CPA6: variants seen among roughly 807,000 people sequenced by gnomAD.
The protein encoded by CPA6 is carboxypeptidase B.
Under a neutral mutation model 63.3 loss-of-function variants are expected in CPA6, and 58 were observed. The observed-to-expected ratio is 0.92, with a 90% CI of 0.74 to 1.14. CPA6 has a LOEUF of 1.14. Among genes scored for constraint, CPA6 ranks in the 50% most tolerant of loss-of-function variants. The pLI, the probability that CPA6 is intolerant of heterozygous loss-of-function variation, is 0.00. For missense variants in CPA6, 565 were observed against 526.6 expected (o/e 1.07, Z -0.71); for synonymous variants, 185 against 179.0 (o/e 1.03, Z -0.27).
chr8:67,654,175 T>C (rs974175317), intron 1 of CPA6, among the ~76,000 whole-genome samples: 4 of 152,342 alleles, frequency 2.6e-5, no homozygotes, highest in African/African-American at 9.6e-5. Context: ...TGCATCAATG[T>C]TCATCAAGGA....
chr8:67,665,280 T>C (rs766543615), intron 1 of CPA6, among the ~76,000 whole-genome samples: 1 of 152,214 alleles, frequency 6.6e-6, no homozygotes, highest in African/African-American at 2.4e-5. Context: ...AGTAGGTACA[T>C]CTATATGCAA....
intron 1 of CPA6, among the ~76,000 whole-genome samples, chr8:67,673,705 T>C (rs1816406278): frequency 1.3e-5 from 2 of 152,032 alleles, no homozygotes; most frequent in South Asian, 4.1e-4. Context: ...TTTTATTATT[T>C]TTATCCACAG....
chr8:67,516,103 A>C (rs1009822437), intron 3 of CPA6, among the ~76,000 whole-genome samples: 1 of 152,118 alleles, frequency 6.6e-6, no homozygotes, highest in African/African-American at 2.4e-5. Context: ...ACAGAAACTC[A>C]GCTCTGTATC....
intron 1 of CPA6, among the ~76,000 whole-genome samples, chr8:67,694,421 T>G (rs991163244): frequency 6.6e-6 from 1 of 152,240 alleles, no homozygotes; most frequent in African/African-American, 2.4e-5. Flanking sequence ...TGCCACCAAG[T>G]TACCATGTGG....
In CPA6 at chr8:67,552,634, G is replaced by A. The variant is rs780875860; in HGVS notation, c.193-34587C>T. On this transcript the variant is annotated intron_variant, in intron 2 of 10. Coordinates refer to ENST00000297770, the MANE Select transcript of CPA6 (RefSeq NM_020361.5). Reference sequence around the variant, plus strand: ...TAAAAATACAAAAAATTAGCTGGACGTGGTGGCACGTGCCTGTAGTCCCAG... The same window carrying A: ...TAAAAATACAAAAAATTAGCTGGACATGGTGGCACGTGCCTGTAGTCCCAG... Among the ~76,000 whole-genome samples, 7 of 151,722 alleles carry A rather than the reference G, an allele frequency of 4.6e-5. No homozygotes were observed. In the East Asian group the frequency reaches 5.8e-4, roughly 13 times the overall value.
chr8:67,431,617 A>G (rs1047546372), intron 9 of CPA6, among the ~76,000 whole-genome samples: 6 of 152,160 alleles, frequency 3.9e-5, no homozygotes, highest in African/African-American at 1.4e-4. Flanking sequence ...AAAAAGTCTG[A>G]ACATTTGCCT....
chr8:67,561,845 T>C (rs934948762), intron 2 of CPA6, among the ~76,000 whole-genome samples: 1 of 152,218 alleles, frequency 6.6e-6, no homozygotes, highest in Non-Finnish European at 1.5e-5. Flanking sequence ...TTCTTTATAC[T>C]ACACTTCCAA....
chr8:67,660,328 T>G (rs1309732235), intron 1 of CPA6, among the ~76,000 whole-genome samples: 2 of 119,906 alleles, frequency 1.7e-5, no homozygotes, highest in Admixed American at 1.6e-4. Flanking sequence ...GCAGGTTTTT[T>G]TTTTTTTTTT....
At chr8:67,423,539 T>C (rs1809814740) in intron 10 of CPA6, among the ~76,000 whole-genome samples, 2 of 152,342 alleles carry the variant, frequency 1.3e-5, no homozygotes, top group Non-Finnish European at 2.9e-5. Context: ...TTTCACTGAA[T>C]TTTTCTCCAG....
intron 1 of CPA6, among the ~76,000 whole-genome samples, chr8:67,631,877 C>T (rs1300202962): frequency 6.6e-6 from 1 of 152,104 alleles, no homozygotes; most frequent in Non-Finnish European, 1.5e-5. Context: ...CCGCAAAGGT[C>T]TGCAGCTTCA....
intron 8 of CPA6, among the ~76,000 whole-genome samples, chr8:67,475,291 C>G (rs898490291): frequency 1.3e-5 from 2 of 152,128 alleles, no homozygotes; most frequent in Non-Finnish European, 2.9e-5. Flanking sequence ...ATAAAAGGCC[C>G]TAAAACCATC....
chr8:67,557,847 C>G (rs947822080), intron 2 of CPA6, among the ~76,000 whole-genome samples: 2 of 152,118 alleles, frequency 1.3e-5, no homozygotes, highest in Non-Finnish European at 2.9e-5. Flanking sequence ...AGTTACTGAG[C>G]CTTGGGGTAC....
At chr8:67,504,825 G>A (rs1278007060) in intron 6 of CPA6, among the ~76,000 whole-genome samples, 4 of 152,166 alleles carry the variant, frequency 2.6e-5, no homozygotes, top group African/African-American at 9.7e-5. Context: ...AGTGAAAGAG[G>A]TGTGGGGAGG....
At chr8:67,465,170 C>CA (rs1810898108) in intron 8 of CPA6, among the ~76,000 whole-genome samples, 1 of 152,220 alleles carries the variant, frequency 6.6e-6, no homozygotes, top group African/African-American at 2.4e-5. Context: ...TTGTTTGTGT[C>CA]ATGTAAGATT....
At chr8:67,712,705 G>A (rs1000786051) in intron 1 of CPA6, among the ~76,000 whole-genome samples, 6 of 152,044 alleles carry the variant, frequency 3.9e-5, no homozygotes, top group African/African-American at 1.2e-4. Flanking sequence ...TGGGAACACC[G>A]AATTTTTCAA....
At chr8:67,731,600 CTG>C (rs1817706077) in intron 1 of CPA6, among the ~76,000 whole-genome samples, 1 of 152,236 alleles carries the variant, frequency 6.6e-6, no homozygotes, top group African/African-American at 2.4e-5. Flanking sequence ...TTGATCAACT[CTG>C]TGTTTGAATT....
chr8:67,430,178 TTTTG>T (rs1293174103), intron 9 of CPA6, among the ~76,000 whole-genome samples: 1 of 128,464 alleles, frequency 7.8e-6, no homozygotes, highest in African/African-American at 4.2e-5. Flanking sequence ...TGTGTATATA[TTTTG>T]TTTTTTTTTT....
intron 8 of CPA6, chr8:67,452,603 T>A (rs1366988097): frequency 6.6e-6 from 1 of 152,234 alleles, no homozygotes; most frequent in Non-Finnish European, 1.5e-5. Context: ...GGATACATCA[T>A]GAACCAAAGG....
chr8:67,440,101 C>T (rs568590680), intron 8 of CPA6, among the ~76,000 whole-genome samples: 5 of 152,246 alleles, frequency 3.3e-5, no homozygotes, highest in Non-Finnish European at 4.4e-5. Context: ...AATTTATTCT[C>T]GTACAGTTCT....
Sources: gnomAD v4.1 joint callset for allele counts (sites outside exome capture counted in the v4.1 genomes callset) on GRCh38, gnomAD v4.1.1 for gene constraint, MANE v1.5 for transcripts, NCBI Gene and HGNC (gene_info 2026-07-23, HGNC 2026-07-21) for gene names.